Variants in SULF1 observed in about 807,000 individuals in gnomAD.
SULF1 encodes extracellular sulfatase Sulf-1.
A neutral mutation model predicts 110.5 loss-of-function variants in SULF1; 46 were observed. The ratio of observed to expected loss-of-function variants is 0.42; its 90% CI spans 0.33 to 0.53. The LOEUF (loss-of-function observed/expected upper bound fraction) is 0.53, where lower values mean the gene tolerates loss of function less well. SULF1 is among the 20% of genes least tolerant of loss of function. The probability of loss-of-function intolerance (pLI) is 0.12; values close to 1 mark genes in which losing one functional copy is unlikely to be tolerated. For synonymous variants in SULF1, 371 were observed against 387.1 expected (o/e 0.96, Z 0.49); for missense variants, 941 against 1,094.2 (o/e 0.86, Z 1.98).
chr8:69,643,573 C>G (rs1435652254), intron 22 of SULF1, among the ~76,000 whole-genome samples: 1 of 152,152 alleles, frequency 6.6e-6, no homozygotes, highest in Non-Finnish European at 1.5e-5. Context: ...TGTTTTTAAA[C>G]TGACTTCTTT....
chr8:69,601,851 A>G (rs373330446), intron 10 of SULF1, 22 bp downstream of exon 10: 63 of 1,586,618 alleles, frequency 4.0e-5, no homozygotes, highest in Non-Finnish European at 5.1e-5. Flanking sequence ...TCTGTTTGCA[A>G]CATTCAACTG....
At chr8:69,495,583 C>T (rs1272625628) in intron 1 of SULF1, among the ~76,000 whole-genome samples, 182 bp from the exon 2 acceptor site, 1 of 152,090 alleles carries the variant, frequency 6.6e-6, no homozygotes, top group Non-Finnish European at 1.5e-5. Flanking sequence ...ATAGGAAGCC[C>T]ATGTCTAGGG....
chr8:69,568,068 G>T (rs1804923102), intron 5 of SULF1, among the ~76,000 whole-genome samples: 1 of 152,122 alleles, frequency 6.6e-6, no homozygotes, highest in Non-Finnish European at 1.5e-5. Context: ...TTGTCACTTT[G>T]ATATGGTTAG....
Position 69,621,130 on chromosome 8 carries a change from C to G in SULF1, c.1473C>G (p.Asn491Lys). ...TCACAGTCCGGCAGAGCACGCGGAA[C>G]CTCTACGCTCGCGGCTTCCATGACA... is the stretch of plus-strand genomic sequence containing the variant. ...DLLTVRQSTR[N>K]LYARGFHDKD... The change falls in exon 14 of 23, where the codon AAC (asparagine) becomes AAG (lysine). Residue 491 changes from asparagine to lysine, a missense_variant. Transcript: ENST00000402687. The G allele has an allele frequency of 4.3e-6, 7 of 1,614,114 alleles. No individual in the cohort carries two copies. The highest frequency in any genetic ancestry group is 5.9e-6 in the Non-Finnish European group (7 of 1,179,988).
At chr8:69,508,629 G>T (rs942243841) in intron 3 of SULF1, among the ~76,000 whole-genome samples, 9 of 152,160 alleles carry the variant, frequency 5.9e-5, no homozygotes, top group African/African-American at 2.2e-4. Flanking sequence ...AAATAAGTGA[G>T]TCCTGGTATC....
chr8:69,567,555 CTAGGTATCTTAT>C (rs1468923119), intron 5 of SULF1, among the ~76,000 whole-genome samples: 4 of 152,132 alleles, frequency 2.6e-5, no homozygotes, highest in African/African-American at 9.7e-5. Context: ...TTTGACTACT[CTAGGTATCTTAT>C]ATGGGTGAAA....
intron 3 of SULF1, among the ~76,000 whole-genome samples, chr8:69,504,373 G>T (rs1229154735): frequency 6.6e-6 from 1 of 151,920 alleles, no homozygotes; most frequent in African/African-American, 2.4e-5. Flanking sequence ...GGCCAATATG[G>T]TGAAACCCCA....
intron 3 of SULF1, among the ~76,000 whole-genome samples, chr8:69,554,021 T>C (rs1814908463): frequency 6.6e-6 from 1 of 152,236 alleles, no homozygotes; most frequent in African/African-American, 2.4e-5. Context: ...AAGGGATTAC[T>C]TTAGATGACT....
rs529874367 is a variant in SULF1 at position 69,559,103 on chromosome 8, C to T, written c.-133-4436C>T. Among the ~76,000 whole-genome samples, 23 of 152,214 alleles carry T rather than the reference C, an allele frequency of 1.5e-4. No homozygotes were observed. The South Asian group carries it at 4.8e-3, about 32-fold the overall frequency. On this transcript the variant is annotated intron_variant, in intron 3 of 22. Coordinates refer to ENST00000402687, the MANE Select transcript of SULF1 (RefSeq NM_001128205.2). ...CTGGCTGAAGTACAGTAATAAAATC[C>T]AGAATCACATGAATAAGTAGTTGGA... is the stretch of plus-strand genomic sequence containing the variant.
intron 5 of SULF1, among the ~76,000 whole-genome samples, chr8:69,567,337 T>C (rs536574058): frequency 2.0e-5 from 3 of 152,312 alleles, no homozygotes; most frequent in Admixed American, 1.3e-4. Context: ...ATTTTGGGTG[T>C]TGGTTGTTTT....
chr8:69,629,534 G>A lies in SULF1; in HGVS notation c.2139G>A (p.Leu713=), dbSNP rs572372030. ...CTGCTCAGGAAGTAGATAGCAAACT[G>A]CAACTTTTCAAGGAGAACAACCGTA... The part of the protein sequence containing the change: ...KEAAQEVDSK[L]QLFKENNRRR... Residue 713 remains leucine (L), a synonymous_variant, in exon 19 of 23, where the codon CTG becomes CTA. Transcript: ENST00000402687. 2 of 1,613,654 alleles carry A rather than the reference G, an allele frequency of 1.2e-6. No homozygotes were observed. Among genetic ancestry groups the A allele is most frequent in the Admixed American group, 1.7e-5 (1 of 59,914 alleles).
intron 8 of SULF1, among the ~76,000 whole-genome samples, chr8:69,594,218 A>G (rs903168005): frequency 1.3e-5 from 2 of 152,014 alleles, no homozygotes; most frequent in African/African-American, 4.8e-5. Flanking sequence ...CGCTCGGCTA[A>G]TTTTGTATTT....
chr8:69,611,426 G>C (rs542673095), intron 13 of SULF1, among the ~76,000 whole-genome samples: 2 of 151,750 alleles, frequency 1.3e-5, no homozygotes, highest in Non-Finnish European at 2.9e-5. Context: ...TCTGTTTTCC[G>C]TCCCCCTCTC....
At chr8:69,579,525 G>T (rs1482568644) in intron 6 of SULF1, among the ~76,000 whole-genome samples, 1 of 144,280 alleles carries the variant, frequency 6.9e-6, no homozygotes, top group Non-Finnish European at 1.5e-5. Context: ...CTCCAGCCTG[G>T]GCAACAAAGC....
chr8:69,638,964 A>T, intron 21 of SULF1, 106 bp downstream of exon 21: 1 of 1,161,788 alleles, frequency 8.6e-7, no homozygotes, highest in East Asian at 2.6e-5. Flanking sequence ...ATAATTCAAG[A>T]TACTTAGAGG....
At chr8:69,567,663 A>G (rs1251995242) in intron 5 of SULF1, among the ~76,000 whole-genome samples, 1 of 152,068 alleles carries the variant, frequency 6.6e-6, no homozygotes, top group African/African-American at 2.4e-5. Flanking sequence ...CATGTGTCAG[A>G]GTGTCCTTCC....
intron 3 of SULF1, among the ~76,000 whole-genome samples, chr8:69,544,965 T>C (rs1814143600): frequency 6.6e-6 from 1 of 152,186 alleles, no homozygotes; most frequent in African/African-American, 2.4e-5. Flanking sequence ...TCCAGGTAGA[T>C]TGCATGTGTG....
chr8:69,478,240 T>C (rs916505782), intron 1 of SULF1, among the ~76,000 whole-genome samples: 5 of 152,178 alleles, frequency 3.3e-5, no homozygotes, highest in African/African-American at 9.7e-5. Context: ...GCATCTGAAA[T>C]AAGCTCTGTA....
chr8:69,551,660 G>A (rs1402433578), intron 3 of SULF1, among the ~76,000 whole-genome samples: 1 of 152,186 alleles, frequency 6.6e-6, no homozygotes, highest in Non-Finnish European at 1.5e-5. Flanking sequence ...GAAGGTCTGA[G>A]GAGTCAGCCT....
Sources: allele counts gnomAD v4.1 joint callset (sites outside exome capture counted in the v4.1 genomes callset), GRCh38; gene constraint gnomAD v4.1.1; transcripts MANE v1.5; gene names NCBI Gene and HGNC (gene_info 2026-07-23, HGNC 2026-07-21).